The following PRH1 variants were observed in gnomAD, a reference collection of about 807,000 sequenced individuals.
PRH1 encodes salivary acidic proline-rich phosphoprotein 1/2.
A neutral mutation model predicts 7.9 loss-of-function variants in PRH1; 7 were observed. The observed-to-expected ratio is 0.89, with a 90% CI of 0.50 to 1.67. The LOEUF (loss-of-function observed/expected upper bound fraction) is 1.67, where lower values mean the gene tolerates loss of function less well. Ranked by LOEUF, PRH1 falls within the 40% of genes most tolerant of loss-of-function variation. The pLI is 0.00. For missense variants in PRH1, 109 were observed against 223.6 expected, an observed-to-expected ratio of 0.49 and a Z score of 3.27; for synonymous variants, 45 against 80.8, an observed-to-expected ratio of 0.56 and a Z score of 2.38.
At chr12:11,092,785 T>A (rs1341944025) in intron 1 of PRH1, among the ~76,000 whole-genome samples, 1 of 115,914 alleles carries the variant, frequency 8.6e-6, no homozygotes, top group African/African-American at 2.9e-5. Context: ...GTGTGATTGC[T>A]TGAATATCCT....
At position 11,091,839 on chromosome 12, in the gene PRH1, C is replaced by T. The variant is rs186718859; in HGVS notation, n.124-44651G>A. The stretch of plus-strand genomic sequence containing the variant: ...AATAGCAAAGGCCCCAACAACATCA[C>T]CAGAATGACACTCTTAACTCTCCTC... On this transcript the variant is annotated intron_variant and non_coding_transcript_variant, in intron 1 of 4. Transcript: ENST00000541977. 4.9e-3 allele frequency: 7,255 copies of T among 1,476,614 alleles called. 78 individuals carry two copies. The highest frequency in any genetic ancestry group is 0.039 in the Middle Eastern group (235 of 5,954). 91.5% of individuals were successfully genotyped at this position (1,476,614 alleles called of 1,614,324 possible).
rs142524952 is a variant in PRH1, at chr12:11,126,887, T to C, written n.40-5707A>G. On this transcript the variant is annotated intron_variant and non_coding_transcript_variant, in intron 1 of 1. Coordinates refer to the PRH1 transcript ENST00000541175. Reference sequence around the variant, plus strand: ...AAATAGTCTATAAGCCTAATGAAGGTGCCCATGGGAAAATACAAATTCTAC... The same window carrying C: ...AAATAGTCTATAAGCCTAATGAAGGCGCCCATGGGAAAATACAAATTCTAC... Among the ~76,000 whole-genome samples, 597 of 152,342 alleles carry C rather than the reference T, an allele frequency of 3.9e-3. 1 individual carries two copies. Among genetic ancestry groups the C allele is most frequent in the African/African-American group, 0.014 (567 of 41,580 alleles).
chr12:10,909,315 T>C, intron 2 of PRH1: 2 of 1,574,842 alleles, frequency 1.3e-6, no homozygotes, highest in East Asian at 2.2e-5. Context: ...ACAGAGAAAG[T>C]TCAATGTCTA....
At chr12:10,926,005 A>T (rs1420650450) in intron 2 of PRH1, among the ~76,000 whole-genome samples, 5 of 152,246 alleles carry the variant, frequency 3.3e-5, no homozygotes, top group African/African-American at 1.2e-4. Context: ...GTTTTCTATT[A>T]TAACCAATTT....
At chr12:10,883,132 T>C in intron 1 of PRH1, 36 bp from the exon 2 acceptor site, 1 of 1,604,266 alleles carries the variant, frequency 6.2e-7, no homozygotes, top group Non-Finnish European at 8.5e-7. Flanking sequence ...GAAAAGTTAC[T>C]TCCTGAATCA....
At chr12:11,119,496 A>G (rs1945831448), downstream of PRH1, among the ~76,000 whole-genome samples, 1 of 151,946 alleles carries the variant, frequency 6.6e-6, no homozygotes, top group African/African-American at 2.4e-5. Flanking sequence ...TGTGATTATT[A>G]CTCTTTGCAT....
chr12:10,939,117 T>C (rs1386718844), intron 2 of PRH1: 2 of 1,609,236 alleles, frequency 1.2e-6, no homozygotes, highest in Non-Finnish European at 8.5e-7. Flanking sequence ...TCAATACAGT[T>C]CACCAGTGCT....
chr12:10,881,385 A>C (rs2298866), intron 3 of PRH1, among the ~76,000 whole-genome samples: 76,327 of 152,094 alleles, frequency 0.5, 21,454 homozygotes, highest in East Asian at 0.73. Flanking sequence ...ATGTGAATCC[A>C]GCCTTAATAT....
At chr12:11,123,392 A>G (rs551575070) in intron 1 of PRH1, among the ~76,000 whole-genome samples, 1 of 152,276 alleles carries the variant, frequency 6.6e-6, no homozygotes, top group African/African-American at 2.4e-5. Context: ...ACTCACAGAC[A>G]TAGAAAAGCC....
chr12:11,127,309 CTTGT>C (rs1946167414), intron 1 of PRH1, among the ~76,000 whole-genome samples: 1 of 152,240 alleles, frequency 6.6e-6, no homozygotes, highest in Admixed American at 6.5e-5. Context: ...CAATTTTTTC[CTTGT>C]TTAATGTCTC....
intron 1 of PRH1, chr12:10,973,725 G>A (rs745825657): frequency 1.3e-6 from 1 of 779,372 alleles, no homozygotes; most frequent in Admixed American, 1.7e-5. Context: ...GCAGCAGCTA[G>A]GATAAGATAA....
intron 1 of PRH1, among the ~76,000 whole-genome samples, chr12:11,126,077 T>C (rs539058194): frequency 5.0e-5 from 7 of 140,136 alleles, no homozygotes; most frequent in Admixed American, 2.9e-4. Context: ...ATAACATATA[T>C]ATAAATTAAT....
chr12:11,071,305 A>T (rs1319476445), intron 1 of PRH1, among the ~76,000 whole-genome samples: 1 of 151,808 alleles, frequency 6.6e-6, no homozygotes, highest in African/African-American at 2.4e-5. Context: ...CACTTTTATA[A>T]TGTATTTCTG....
At chr12:11,032,363 C>T (rs1204900770) in intron 1 of PRH1, among the ~76,000 whole-genome samples, 1 of 152,160 alleles carries the variant, frequency 6.6e-6, no homozygotes, top group Non-Finnish European at 1.5e-5. Flanking sequence ...TTTAAATACA[C>T]AGAATCCTAA....
At chr12:10,973,534 T>C in intron 2 of PRH1, 1 of 584,972 alleles carries the variant, frequency 1.7e-6, no homozygotes, top group Non-Finnish European at 3.1e-6. Context: ...TGAGTAGGCT[T>C]TATGAGAAGT....
chr12:10,979,409 A>C (rs1939250949), intron 1 of PRH1, among the ~76,000 whole-genome samples: 1 of 152,196 alleles, frequency 6.6e-6, no homozygotes, highest in Non-Finnish European at 1.5e-5. Flanking sequence ...ACAAGTATGA[A>C]GTCCCTGAGG....
At chr12:10,978,713 G>A (rs534947586) in intron 1 of PRH1, among the ~76,000 whole-genome samples, 1 of 152,088 alleles carries the variant, frequency 6.6e-6, no homozygotes, top group East Asian at 1.9e-4. Context: ...TAAGGAACTT[G>A]ATTTTGCGAG....
chr12:10,894,529 G>A (rs1466782835), intron 2 of PRH1, among the ~76,000 whole-genome samples: 1 of 151,868 alleles, frequency 6.6e-6, no homozygotes, highest in Non-Finnish European at 1.5e-5. Flanking sequence ...TCATTTTTAG[G>A]ATAGGAACTA....
intron 1 of PRH1, among the ~76,000 whole-genome samples, chr12:11,137,996 G>A (rs536797366): frequency 4.6e-5 from 7 of 152,066 alleles, no homozygotes; most frequent in African/African-American, 1.2e-4. Context: ...CCAGCATCAG[G>A]CCTAGGCAAA....
Sources: gnomAD v4.1 joint callset for allele counts (sites outside exome capture counted in the v4.1 genomes callset) on GRCh38, gnomAD v4.1.1 for gene constraint, MANE v1.5 for transcripts, NCBI Gene and HGNC (gene_info 2026-07-23, HGNC 2026-07-21) for gene names.